The following MYNN variants were observed in gnomAD, a reference collection of about 807,000 sequenced individuals.
MYNN encodes the protein myoneurin, also known as zinc finger and BTB domain-containing protein 31.
A neutral mutation model predicts 57.2 loss-of-function variants in MYNN; 22 were observed. The observed-to-expected ratio is 0.38, with a 90% CI of 0.27 to 0.55. The LOEUF (loss-of-function observed/expected upper bound fraction) is 0.55, where lower values mean the gene tolerates loss of function less well. Ranked by LOEUF, MYNN falls within the 20% of genes least tolerant of loss-of-function variation. The probability of loss-of-function intolerance (pLI) is 0.71; values close to 1 mark genes in which losing one functional copy is unlikely to be tolerated. For missense variants in MYNN, 566 were observed against 723.1 expected, an observed-to-expected ratio of 0.78 and a Z score of 2.49; for synonymous variants, 241 against 257.1, an observed-to-expected ratio of 0.94 and a Z score of 0.60.
chr3:169,780,800 T>G (rs1311617919), intron 4 of MYNN, 51 bp downstream of exon 4: 1 of 1,403,140 alleles, frequency 7.1e-7, no homozygotes, highest in African/African-American at 1.5e-5. Context: ...ATCACCATAG[T>G]CTTATGAATA....
rs954825695 is a variant in MYNN at position 169,773,436 on chromosome 3, CTG to C, written c.-54_-53del. The C allele has an allele frequency of 2.6e-5, 4 of 152,350 alleles. No individual in the cohort carries two copies. Among genetic ancestry groups the C allele is most frequent in the African/African-American group, 4.8e-5 (2 of 41,478 alleles). The allele number at this position is 152,350 out of a possible 1,614,324, so 9.4% of individuals were successfully genotyped here. ...AGATGGCGGAGACAGAGTGAAGAAA[CTG>C]TGTTCCCCCCTTGGGTTGCTATCGG... On this transcript the variant is annotated 5_prime_UTR_variant, in exon 1 of 8. Transcript: ENST00000349841.
chr3:169,773,803 C>T (rs1429906824), intron 1 of MYNN, among the ~76,000 whole-genome samples: 1 of 152,190 alleles, frequency 6.6e-6, no homozygotes, highest in African/African-American at 2.4e-5. Flanking sequence ...TCCCGGCTTT[C>T]TGGGCAGCCA....
At chr3:169,778,720 A>C (rs1232527785) in intron 2 of MYNN, 48 bp from the exon 3 acceptor site, 1 of 1,484,026 alleles carries the variant, frequency 6.7e-7, no homozygotes, top group Non-Finnish European at 9.1e-7. Context: ...CTGTTTCGAA[A>C]GTTTTTCTTT....
chr3:169,774,348 G>A lies in MYNN; in HGVS notation c.53G>A (p.Arg18Gln). ...CTTTTAGAGAGACTGAACAAACAGCGGGAAGCAGGTTTTCTCTGTGACTGT... is the reference window on the plus strand; with the variant it reads ...CTTTTAGAGAGACTGAACAAACAGCAGGAAGCAGGTTTTCTCTGTGACTGT... ...EHLLERLNKQ[R>Q]EAGFLCDCTI... The change falls in exon 2 of 8, where the codon CGG (arginine) becomes CAG (glutamine). Residue 18 changes from arginine to glutamine, a missense_variant. By Grantham distance (43) the Arg-to-Gln change is conservative. Coordinates refer to ENST00000349841, the MANE Select transcript of MYNN (RefSeq NM_018657.5). 6.2e-7 allele frequency: 1 copy of A among 1,614,018 alleles called. No individual in the cohort carries two copies.
At chr3:169,776,206 G>A (rs1778336854) in intron 2 of MYNN, among the ~76,000 whole-genome samples, 1 of 152,208 alleles carries the variant, frequency 6.6e-6, no homozygotes, top group African/African-American at 2.4e-5. Context: ...CAGGTGTTTT[G>A]TTCAGTCTCT....
rs1778740456 is a variant in MYNN, at chr3:169,788,656, A to G, written c.*1978A>G. On this transcript the variant is annotated 3_prime_UTR_variant, in exon 8 of 8. Transcript: ENST00000349841. The stretch of plus-strand genomic sequence containing the variant: ...CTGCCTTTGCATAGATTAGCCTTCA[A>G]ATTTATTATTTTTAGTATTATTTGA... The G allele has an allele frequency of 1.3e-5, 2 of 152,152 alleles. No individual in the cohort carries two copies. Among genetic ancestry groups the G allele is most frequent in the South Asian group, 4.1e-4 (2 of 4,826 alleles). 9.4% of individuals were successfully genotyped at this position (152,152 alleles called of 1,614,324 possible).
intron 2 of MYNN, 113 bp downstream of exon 2, chr3:169,774,674 T>G (rs1191668642): frequency 1.1e-6 from 1 of 950,826 alleles, no homozygotes; most frequent in African/African-American, 1.6e-5. Context: ...CACCTATTTA[T>G]GCACACAATG....
chr3:169,789,219 T>C lies in MYNN; in HGVS notation c.*2541T>C, dbSNP rs1407674565. 4.6e-5 allele frequency: 7 copies of C among 152,210 alleles called. No individual in the cohort carries two copies. Among genetic ancestry groups the C allele is most frequent in the Non-Finnish European group, 1.0e-4 (7 of 68,032 alleles). 9.4% of individuals were successfully genotyped at this position (152,210 alleles called of 1,614,324 possible). On this transcript the variant is annotated 3_prime_UTR_variant, in exon 8 of 8. Coordinates refer to ENST00000349841, the MANE Select transcript of MYNN (RefSeq NM_018657.5). ...GTTTAATTTCACAGGATGATTTTGA[T>C]AGACAAATTTTAGAAAACCTTTTTT... is the stretch of plus-strand genomic sequence containing the variant.
intron 2 of MYNN, chr3:169,777,232 G>A (rs1778375406): frequency 6.6e-6 from 1 of 152,216 alleles, no homozygotes; most frequent in African/African-American, 2.4e-5. Flanking sequence ...GAGAACATGG[G>A]TAGAGATTTG....
chr3:169,778,783 A>T lies in MYNN; in HGVS notation c.282A>T (p.Glu94Asp), dbSNP rs1778425386. The T allele has an allele frequency of 6.3e-7, 1 of 1,591,668 alleles. No individual in the cohort carries two copies. The highest frequency in any genetic ancestry group is 1.8e-5 in the Admixed American group (1 of 54,190). Residue 94 changes from glutamate to aspartate, a missense_variant, in exon 3 of 8, where the codon GAA becomes GAT. Transcript: ENST00000349841. ...TLNLDSWNVK[E>D]IHQAADYLKV... ...TTCCTTGCAGTTGGAATGTTAAAGA[A>T]ATTCATCAGGCTGCTGACTATCTCA...
chr3:169,786,022 A>T (rs1050060094), intron 7 of MYNN, among the ~76,000 whole-genome samples: 5 of 152,070 alleles, frequency 3.3e-5, no homozygotes, highest in African/African-American at 1.2e-4. Context: ...GGAGTTAAAG[A>T]AGTATAACGA....
In MYNN at chr3:169,779,159, A is replaced by C; in HGVS notation, c.658A>C (p.Thr220Pro). 1 of 1,614,230 alleles carries C rather than the reference A, an allele frequency of 6.2e-7. No homozygotes were observed. The highest frequency in any genetic ancestry group is 8.5e-7 in the Non-Finnish European group (1 of 1,180,046). Residue 220 changes from threonine to proline, a missense_variant, in exon 3 of 8, where the codon ACA (threonine) becomes CCA (proline). Transcript: ENST00000349841. ...ATTCCTAGATGCAAATAAACTGCCC[A>C]CACCTGTAGTAGAACAAGTTGCACA... is the stretch of plus-strand genomic sequence containing the variant. The part of the protein sequence containing the change: ...ELFLDANKLP[T>P]PVVEQVAQIN...
chr3:169,782,807 G>A lies in MYNN; in HGVS notation c.1399+164G>A, dbSNP rs1339219624. On this transcript the variant is annotated intron_variant, in intron 5 of 7. Coordinates refer to ENST00000349841, the MANE Select transcript of MYNN (RefSeq NM_018657.5). This position sits in a 1 kb window ranked among gnomAD's most constrained non-coding sequence, Gnocchi z 4.8. ...TTGCACATATTTGTTAAATATAAAA[G>A]CTGACTTATTTTCTAGAATAATACA... 6.6e-6 allele frequency among the ~76,000 whole-genome samples: 1 copy of A among 152,152 alleles called. No individual in the cohort carries two copies. Among genetic ancestry groups the A allele is most frequent in the Non-Finnish European group, 1.5e-5 (1 of 68,010 alleles).
rs961553164 is a variant in MYNN, at chr3:169,784,689, C to T, written c.1551C>T (p.His517=). Reference sequence around the variant, plus strand: ...CAGATATTAAAAATTTAAAGAAGCACAAAACAAAAGTCCATTCTGGTAAAT... The same window carrying T: ...CAGATATTAAAAATTTAAAGAAGCATAAAACAAAAGTCCATTCTGGTAAAT... ...SYTDIKNLKK[H]KTKVHSGADK... Residue 517 remains histidine, a synonymous_variant, in exon 7 of 8, where the codon CAC becomes CAT. Coordinates refer to ENST00000349841, the MANE Select transcript of MYNN (RefSeq NM_018657.5). 4.4e-6 allele frequency: 7 copies of T among 1,576,932 alleles called. No homozygotes were observed. In the Admixed American group the frequency reaches 1.3e-4, roughly 29 times the overall value.
chr3:169,787,517 T>C lies in MYNN; in HGVS notation c.*839T>C, dbSNP rs1415770451. The C allele has an allele frequency of 1.3e-5, 2 of 152,138 alleles. No individual in the cohort carries two copies. The highest frequency in any genetic ancestry group is 4.8e-5 in the African/African-American group (2 of 41,452). 9.4% of individuals were successfully genotyped at this position (152,138 alleles called of 1,614,324 possible). Reference sequence around the variant, plus strand: ...TGGTAAGCCTCTCTTACTCCTGTTATGCACTTTTTAAAATAAATACTGAAT... The same window carrying C: ...TGGTAAGCCTCTCTTACTCCTGTTACGCACTTTTTAAAATAAATACTGAAT... On this transcript the variant is annotated 3_prime_UTR_variant, in exon 8 of 8. Transcript: ENST00000349841.
Position 169,788,202 on chromosome 3 carries a change from T to G in MYNN, c.*1524T>G, listed in dbSNP as rs1020662628. On this transcript the variant is annotated 3_prime_UTR_variant, in exon 8 of 8. Coordinates refer to ENST00000349841, the MANE Select transcript of MYNN (RefSeq NM_018657.5). Reference sequence around the variant, plus strand: ...TTAATGCTTGTAGTCTGTAGAGATCTTCACCATTTCACAGCACACACATTA... The same window carrying G: ...TTAATGCTTGTAGTCTGTAGAGATCGTCACCATTTCACAGCACACACATTA... 1 of 152,150 alleles carries G rather than the reference T, an allele frequency of 6.6e-6. No homozygotes were observed. The highest frequency in any genetic ancestry group is 1.5e-5 in the Non-Finnish European group (1 of 67,978). The allele number at this position is 152,150 out of a possible 1,614,324, so 9.4% of individuals were successfully genotyped here.
chr3:169,782,453 A>G lies in MYNN; in HGVS notation c.1221-12A>G. 6.3e-7 allele frequency: 1 copy of G among 1,593,686 alleles called. No individual in the cohort carries two copies. The highest frequency in any genetic ancestry group is 8.5e-7 in the Non-Finnish European group (1 of 1,171,028). On this transcript the variant is annotated splice_polypyrimidine_tract_variant and intron_variant, in intron 4 of 7. Transcript: ENST00000349841. This position sits in a 1 kb window ranked among gnomAD's most constrained non-coding sequence, Gnocchi z 4.8. ...CAAATTGTTTTACTTATTTAACTTT[A>G]TTTACTAACAGGAAGCATAGTGGAG...
chr3:169,773,992 C>A (rs1778254002), intron 1 of MYNN: 2 of 339,818 alleles, frequency 5.9e-6, no homozygotes, highest in Non-Finnish European at 1.1e-5. Context: ...GAGGGTTCAA[C>A]AGATGTGAAA....
chr3:169,779,723 T>G, intron 3 of MYNN, 162 bp downstream of exon 3: 2 of 735,738 alleles, frequency 2.7e-6, no homozygotes. Flanking sequence ...TTATTTGTAA[T>G]TGTAACCAAG....
Sources: allele counts gnomAD v4.1 joint callset (sites outside exome capture counted in the v4.1 genomes callset), GRCh38; gene constraint gnomAD v4.1.1; non-coding constraint Gnocchi (gnomAD v3.1); transcripts MANE v1.5; gene names NCBI Gene and HGNC (gene_info 2026-07-23, HGNC 2026-07-21).